Variants in BICDL1 observed in about 807,000 individuals in gnomAD.
The protein encoded by BICDL1 is BICD family-like cargo adapter 1.
In BICDL1, 20 loss-of-function variants were observed where a neutral mutation model predicts 76.8. The observed-to-expected ratio is 0.26, with a 90% CI of 0.18 to 0.38. The LOEUF (loss-of-function observed/expected upper bound fraction) is 0.38, where lower values mean the gene tolerates loss of function less well. Ranked by LOEUF, BICDL1 falls within the 10% of genes least tolerant of loss-of-function variation. BICDL1 has a pLI of 1.00. For missense variants in BICDL1, 700 were observed against 798.6 expected (o/e 0.88, Z 1.49); for synonymous variants, 383 against 337.1 (o/e 1.14, Z -1.49).
chr12:120,062,384 G>A (rs1468027977), intron 3 of BICDL1, among the ~76,000 whole-genome samples: 1 of 152,114 alleles, frequency 6.6e-6, no homozygotes, highest in African/African-American at 2.4e-5. Context: ...ACCTGGTTGT[G>A]GAAGGTGAAG....
chr12:120,082,581 G>GT (rs985991721), intron 8 of BICDL1, among the ~76,000 whole-genome samples: 2 of 149,150 alleles, frequency 1.3e-5, no homozygotes, highest in African/African-American at 4.9e-5. Flanking sequence ...AATGTTTTGT[G>GT]TTTTTTTGTT....
chr12:120,076,161 A>T (rs1873529591), intron 7 of BICDL1, among the ~76,000 whole-genome samples: 2 of 152,212 alleles, frequency 1.3e-5, no homozygotes, highest in South Asian at 2.1e-4. Context: ...TCTGTCTCAA[A>T]AAGTTGTAGC....
At chr12:120,037,116 G>A (rs1952544049) in intron 2 of BICDL1, among the ~76,000 whole-genome samples, 1 of 152,160 alleles carries the variant, frequency 6.6e-6, no homozygotes, top group Non-Finnish European at 1.5e-5. Flanking sequence ...CTTGAATGCA[G>A]TACTACAAGT....
At chr12:119,996,577 A>G (rs1258932566) in intron 1 of BICDL1, among the ~76,000 whole-genome samples, 1 of 148,766 alleles carries the variant, frequency 6.7e-6, no homozygotes, top group Non-Finnish European at 1.5e-5. Flanking sequence ...AGTCTGAAAG[A>G]GAAGATTCAT....
intron 1 of BICDL1, 39 bp downstream of exon 1, chr12:119,990,336 CCGCCCAGGCACG>C (rs1195054195): frequency 5.2e-6 from 8 of 1,543,822 alleles, no homozygotes; most frequent in African/African-American, 1.4e-5. Flanking sequence ...GGAGCAGGGG[CCGCCCAGGCACG>C]CGCCCGGCCC....
At chr12:120,037,410 T>C (rs1182783207) in intron 2 of BICDL1, among the ~76,000 whole-genome samples, 2 of 152,186 alleles carry the variant, frequency 1.3e-5, no homozygotes, top group Non-Finnish European at 1.5e-5. Context: ...TATTCATTTC[T>C]GTCTTTTTAA....
intron 2 of BICDL1, chr12:120,056,979 G>A (rs979028481): frequency 8.5e-6 from 4 of 470,968 alleles, no homozygotes; most frequent in Admixed American, 2.2e-5. Context: ...CCAAGCCCTG[G>A]GTTGGATAGG....
chr12:120,001,913 G>T (rs1951767143), intron 2 of BICDL1, among the ~76,000 whole-genome samples: 2 of 152,060 alleles, frequency 1.3e-5, no homozygotes, highest in Non-Finnish European at 2.9e-5. Flanking sequence ...AATTCTCCAT[G>T]TGTAGTGGTG....
intron 2 of BICDL1, among the ~76,000 whole-genome samples, chr12:120,013,156 CA>C (rs1208571761): frequency 3.3e-5 from 5 of 151,382 alleles, no homozygotes; most frequent in Admixed American, 1.3e-4. Context: ...ACTAAAAATA[CA>C]AAAAAAATTA....
intron 1 of BICDL1, among the ~76,000 whole-genome samples, chr12:119,990,800 T>C (rs973163509): frequency 6.6e-6 from 1 of 152,228 alleles, no homozygotes; most frequent in African/African-American, 2.4e-5. Context: ...TATATAGCCT[T>C]CAAATGCTCA....
intron 2 of BICDL1, among the ~76,000 whole-genome samples, chr12:120,033,733 G>A (rs929970736): frequency 6.6e-6 from 1 of 151,962 alleles, no homozygotes; most frequent in African/African-American, 2.4e-5. Flanking sequence ...TCATAATGAC[G>A]TTTAGCTCCT....
chr12:120,056,671 CGCGCTACT>C, intron 2 of BICDL1, among the ~76,000 whole-genome samples: 1 of 151,934 alleles, frequency 6.6e-6, no homozygotes, highest in Non-Finnish European at 1.5e-5. Context: ...TAGCCGAGAT[CGCGCTACT>C]GCACTCCAGC....
intron 2 of BICDL1, among the ~76,000 whole-genome samples, chr12:120,023,012 A>C (rs1952214520): frequency 6.6e-6 from 1 of 152,226 alleles, no homozygotes; most frequent in Admixed American, 6.5e-5. Context: ...GATTTGATGG[A>C]ATGGGTCCCA....
rs190223940 is a variant in BICDL1 at position 120,011,488 on chromosome 12, C to T, written c.645+12752C>T. Among the ~76,000 whole-genome samples, 65 of 152,282 alleles carry T rather than the reference C, an allele frequency of 4.3e-4. 2 individuals are homozygous for T. In the East Asian group the frequency reaches 0.011, roughly 25 times the overall value. Reference sequence around the variant, plus strand: ...AAGGCAGATATAGTTGTAACAGTATCACCTTTTTTGGTACACATTCACCAT... The same window carrying T: ...AAGGCAGATATAGTTGTAACAGTATTACCTTTTTTGGTACACATTCACCAT... On this transcript the variant is annotated intron_variant, in intron 2 of 9. Coordinates refer to ENST00000548673, the MANE Select transcript of BICDL1 (RefSeq NM_001367886.1).
chr12:120,072,324 G>A (rs74932420), intron 5 of BICDL1, among the ~76,000 whole-genome samples, 187 bp from the exon 6 acceptor site: 8,429 of 152,144 alleles, frequency 0.055, 464 homozygotes, highest in African/African-American at 0.14. Flanking sequence ...CTGTATAAAT[G>A]TACTTGGTTC....
intron 2 of BICDL1, among the ~76,000 whole-genome samples, chr12:120,013,125 A>C (rs1013424122): frequency 6.6e-5 from 10 of 152,178 alleles, no homozygotes; most frequent in Non-Finnish European, 1.3e-4. Context: ...AGCCTGGCCA[A>C]CATGGCGAAA....
At chr12:120,008,453 C>G (rs541993047) in intron 2 of BICDL1, among the ~76,000 whole-genome samples, 8 of 152,178 alleles carry the variant, frequency 5.3e-5, no homozygotes, top group South Asian at 2.1e-4. Context: ...GCCACTGTGC[C>G]CAGCCAATAG....
intron 2 of BICDL1, among the ~76,000 whole-genome samples, chr12:120,039,419 T>C (rs1952590856): frequency 2.0e-5 from 3 of 150,000 alleles, no homozygotes; most frequent in Admixed American, 1.3e-4. Flanking sequence ...GTGGGCGGAT[T>C]ATGAGGTCAG....
At chr12:120,076,667 G>A (rs548105729) in intron 7 of BICDL1, among the ~76,000 whole-genome samples, 4 of 152,242 alleles carry the variant, frequency 2.6e-5, no homozygotes, top group African/African-American at 2.4e-5. Context: ...CATGTCCCAC[G>A]CGGGGTATAG....
Sources: gnomAD v4.1 joint callset for allele counts (sites outside exome capture counted in the v4.1 genomes callset) on GRCh38, gnomAD v4.1.1 for gene constraint, MANE v1.5 for transcripts, NCBI Gene and HGNC (gene_info 2026-07-23, HGNC 2026-07-21) for gene names.